The following TGM6 variants were observed in gnomAD, a reference collection of about 807,000 sequenced individuals.
The protein encoded by TGM6 is protein-glutamine gamma-glutamyltransferase 6.
TGM6 carries 74 observed loss-of-function variants against 77.5 expected under a neutral mutation model. The ratio of observed to expected loss-of-function variants is 0.96; its 90% CI spans 0.79 to 1.16. The LOEUF is 1.16. TGM6 is among the 50% of genes most tolerant of loss of function. TGM6 has a pLI of 0.00. For synonymous variants in TGM6, 383 were observed against 378.9 expected (o/e 1.01, Z -0.12); for missense variants, 968 against 940.2 (o/e 1.03, Z -0.39).
chr20:2,430,985 T>G lies in TGM6; in HGVS notation c.1925T>G (p.Met642Arg), dbSNP rs1219540348. 2 of 1,614,084 alleles carry G rather than the reference T, an allele frequency of 1.2e-6. No individual in the cohort carries two copies. Among genetic ancestry groups the G allele is most frequent in the Admixed American group, 3.3e-5 (2 of 60,016 alleles). The part of the protein sequence containing the change: ...LIERVKDCAL[M>R]VEGSGLLQEQ... ...GAGAGAGTGAAGGACTGTGCGCTGA[T>G]GGTGGAGGGCAGCGGCCTTCTCCAG... Residue 642 changes from methionine to arginine, a missense_variant, in exon 12 of 13, where the codon ATG becomes AGG. Coordinates refer to ENST00000202625, the MANE Select transcript of TGM6 (RefSeq NM_198994.3).
chr20:2,380,999 T>C lies in TGM6; in HGVS notation c.7+24T>C, dbSNP rs1290570651. The C allele has an allele frequency of 5.0e-6, 8 of 1,608,072 alleles. No homozygotes were observed. The East Asian group carries it at 1.8e-4, about 36-fold the overall frequency. ...AGGTAAGTGGGCAGAGCCTGGGGCC[T>C]TGGGACACCAGGGCTCATGAGGGGG... On this transcript the variant is annotated intron_variant, in intron 1 of 12. Transcript: ENST00000202625.
chr20:2,412,673 T>G (rs1360599790), intron 9 of TGM6, among the ~76,000 whole-genome samples: 6 of 152,002 alleles, frequency 3.9e-5, no homozygotes, highest in Non-Finnish European at 8.8e-5. Context: ...GATAAACAAG[T>G]TCAGCAAGTT....
In TGM6 at chr20:2,403,582, T is replaced by A; in HGVS notation, c.1095T>A (p.Gly365=). The A allele has an allele frequency of 6.2e-7, 1 of 1,614,040 alleles. No individual in the cohort carries two copies. ...CTCATGCCCACCCCTCCTGCCCAGG[T>A]GTGTTCCGGTGCGGCCCAGCCTCAG... is the stretch of plus-strand genomic sequence containing the variant. ...LDATPQEESE[G]VFRCGPASVT... is the part of the protein sequence containing the mutation. The change falls in exon 9 of 13, where the codon GGT becomes GGA. Residue 365 remains glycine, a splice_region_variant and synonymous_variant. Coordinates refer to ENST00000202625, the MANE Select transcript of TGM6 (RefSeq NM_198994.3).
At chr20:2,385,747 G>A (rs1347326672) in intron 1 of TGM6, among the ~76,000 whole-genome samples, 1 of 152,174 alleles carries the variant, frequency 6.6e-6, no homozygotes, top group African/African-American at 2.4e-5. Context: ...GCCCAAGGAC[G>A]CTGCAGAGCA....
rs754989549 is a variant in TGM6, at chr20:2,399,736, C to T, written c.848C>T (p.Thr283Ile). Residue 283 changes from threonine to isoleucine, a missense_variant and splice_region_variant, in exon 6 of 13, where the codon ACA becomes ATA. Physicochemically the swap from Thr to Ile is moderately conservative, Grantham distance 89 (BLOSUM62 -1). Coordinates refer to ENST00000202625, the MANE Select transcript of TGM6 (RefSeq NM_198994.3). ...TGGGTCTTCGCCGGAGTCCTGTGCACAGGTACCCTGGGAGAGAAGGGCCCC... is the reference window on the plus strand; with the variant it reads ...TGGGTCTTCGCCGGAGTCCTGTGCATAGGTACCCTGGGAGAGAAGGGCCCC... ...QCWVFAGVLCTVLRCLGIATR... is the reference protein window; with the variant it reads ...QCWVFAGVLCIVLRCLGIATR... 1 of 1,613,530 alleles carries T rather than the reference C, an allele frequency of 6.2e-7. No individual in the cohort carries two copies. Among genetic ancestry groups the T allele is most frequent in the Non-Finnish European group, 8.5e-7 (1 of 1,179,718 alleles).
chr20:2,406,869 A>G (rs1466359405), intron 9 of TGM6, among the ~76,000 whole-genome samples: 1 of 142,090 alleles, frequency 7.0e-6, no homozygotes, highest in Non-Finnish European at 1.6e-5. Flanking sequence ...AAAAAAAACC[A>G]TGGCCACAGG....
At chr20:2,401,160 A>T (rs1200650632) in intron 7 of TGM6, among the ~76,000 whole-genome samples, 1 of 151,804 alleles carries the variant, frequency 6.6e-6, no homozygotes, top group Non-Finnish European at 1.5e-5. Context: ...GTGAGCCAAG[A>T]TCATGCCACT....
At chr20:2,404,043 T>C (rs1357543777) in intron 9 of TGM6, among the ~76,000 whole-genome samples, 2 of 152,256 alleles carry the variant, frequency 1.3e-5, no homozygotes, top group Non-Finnish European at 2.9e-5. Flanking sequence ...TTAGAAGATT[T>C]CCCATTTGTA....
intron 5 of TGM6, among the ~76,000 whole-genome samples, chr20:2,398,506 A>G (rs2084684316): frequency 6.6e-6 from 1 of 150,868 alleles, no homozygotes; most frequent in African/African-American, 2.4e-5. Flanking sequence ...CAACCTTTCC[A>G]TGTGGCTAGC....
intron 9 of TGM6, among the ~76,000 whole-genome samples, chr20:2,416,906 G>A (rs942759390): frequency 1.4e-4 from 21 of 151,908 alleles, no homozygotes; most frequent in African/African-American, 5.1e-4. Context: ...GTTAAATGTG[G>A]GTGATGATAA....
rs776133095 is a variant in TGM6 at position 2,400,459 on chromosome 20, C to T, written c.989+15C>T. The T allele has an allele frequency of 2.0e-5, 32 of 1,613,882 alleles. No homozygotes were observed. Among genetic ancestry groups the T allele is most frequent in the Non-Finnish European group, 2.6e-5 (31 of 1,180,006 alleles). On this transcript the variant is annotated intron_variant, in intron 7 of 12. Transcript: ENST00000202625. ...GACAGCATGTGGTGGGTCCTGCCCC[C>T]AGCCTAGGCCCGAGGGCTCTGGAAG...
intron 9 of TGM6, among the ~76,000 whole-genome samples, chr20:2,415,695 A>G (rs1009381610): frequency 6.6e-6 from 1 of 152,132 alleles, no homozygotes; most frequent in Admixed American, 6.5e-5. Context: ...AGAAGAGTCA[A>G]GAACACTCCC....
intron 1 of TGM6, among the ~76,000 whole-genome samples, chr20:2,392,597 C>T (rs371585040): frequency 3.3e-5 from 5 of 152,264 alleles, no homozygotes; most frequent in Middle Eastern, 3.4e-3. Context: ...TTCTGCAGAG[C>T]GGGGAACTGA....
chr20:2,400,225 AGCCAGGGC>A, intron 6 of TGM6, 73 bp from the exon 7 acceptor site: 1 of 1,600,650 alleles, frequency 6.2e-7, no homozygotes, highest in South Asian at 1.1e-5. Flanking sequence ...GCCACAAATG[AGCCAGGGC>A]GCCTGCTGTG....
intron 10 of TGM6, among the ~76,000 whole-genome samples, chr20:2,420,027 G>A (rs1328711422): frequency 6.6e-6 from 1 of 152,104 alleles, no homozygotes; most frequent in Non-Finnish European, 1.5e-5. Context: ...GGTGGATCAC[G>A]AGGTCAGGAG....
chr20:2,420,101 C>A (rs1467489617), intron 10 of TGM6, among the ~76,000 whole-genome samples: 1 of 152,018 alleles, frequency 6.6e-6, no homozygotes, highest in Non-Finnish European at 1.5e-5. Flanking sequence ...AAAAATTAGC[C>A]GGGCGTGGCG....
At chr20:2,413,202 G>C (rs2084795130) in intron 9 of TGM6, among the ~76,000 whole-genome samples, 3 of 152,130 alleles carry the variant, frequency 2.0e-5, no homozygotes, top group African/African-American at 7.2e-5. Flanking sequence ...CTTCAGTTCA[G>C]GAAATCTCCC....
chr20:2,415,123 A>G (rs2084807222), intron 9 of TGM6, among the ~76,000 whole-genome samples: 1 of 152,200 alleles, frequency 6.6e-6, no homozygotes, highest in African/African-American at 2.4e-5. Flanking sequence ...GTGGCATTAC[A>G]TTCTTTGGCA....
At chr20:2,411,902 T>C (rs1245334879) in intron 9 of TGM6, among the ~76,000 whole-genome samples, 1 of 152,194 alleles carries the variant, frequency 6.6e-6, no homozygotes, top group African/African-American at 2.4e-5. Flanking sequence ...AGAATTATCA[T>C]ACAATCCAGC....
Sources: gnomAD v4.1 joint callset for allele counts (sites outside exome capture counted in the v4.1 genomes callset) on GRCh38, gnomAD v4.1.1 for gene constraint, MANE v1.5 for transcripts, NCBI Gene and HGNC (gene_info 2026-07-23, HGNC 2026-07-21) for gene names.